CYP46A1: variants seen among roughly 807,000 people sequenced by gnomAD.
CYP46A1 encodes cholesterol 24-hydroxylase.
CYP46A1 carries 20 observed loss-of-function variants against 63.3 expected under a neutral mutation model. The observed-to-expected ratio is 0.32, with a 90% CI of 0.22 to 0.46. The LOEUF is 0.46. Ranked by LOEUF, CYP46A1 falls within the 20% of genes least tolerant of loss-of-function variation. CYP46A1 has a pLI of 1.00. For synonymous variants in CYP46A1, 268 were observed against 273.6 expected (o/e 0.98, Z 0.20); for missense variants, 445 against 670.8 (o/e 0.66, Z 3.72).
chr14:99,700,082 G>C lies in CYP46A1; in HGVS notation c.424G>C (p.Asp142His). 6.2e-7 allele frequency: 1 copy of C among 1,604,518 alleles called. No individual in the cohort carries two copies. The highest frequency in any genetic ancestry group is 8.5e-7 in the Non-Finnish European group (1 of 1,173,758). The change falls in exon 5 of 15, where the codon GAC (aspartate) becomes CAC (histidine). Residue 142 changes from aspartate (D) to histidine (H), a missense_variant. Transcript: ENST00000261835. The part of the protein sequence containing the change: ...ERWHKQRRVI[D>H]LAFSRSSLVS... The stretch of plus-strand genomic sequence containing the variant: ...CTGGCACAAGCAGCGGAGAGTCATA[G>C]ACCTGGCCTTCAGCCGGAGGTGAGT...
chr14:99,723,998 G>A (rs1335398574), intron 12 of CYP46A1, among the ~76,000 whole-genome samples: 18 of 152,128 alleles, frequency 1.2e-4, no homozygotes, highest in Admixed American at 1.0e-3. Flanking sequence ...GGTGTTGGAG[G>A]TTGGTTTCTT....
intron 3 of CYP46A1, among the ~76,000 whole-genome samples, chr14:99,698,262 T>G (rs993600504): frequency 1.3e-5 from 2 of 151,944 alleles, no homozygotes; most frequent in Non-Finnish European, 2.9e-5. Context: ...TTCCCCCTCA[T>G]GTACCTCTGC....
In CYP46A1 at chr14:99,722,644, C is replaced by CGTGTGTGTGTGTGTGTGTGTGT. The variant is rs10600179; in HGVS notation, c.1176+592_1176+613dup. ...ATCTGAATTGTGTGTTTGCCATTCCCGTGTGTGTGTGTGTGTGTGTGTGTG... is the reference window on the plus strand; with the variant it reads ...ATCTGAATTGTGTGTTTGCCATTCCCGTGTGTGTGTGTGTGTGTGTGTGTGTGTGTGTGTGTGTGTGTGTGTG... On this transcript the variant is annotated intron_variant, in intron 12 of 14. Coordinates refer to ENST00000261835, the MANE Select transcript of CYP46A1 (RefSeq NM_006668.2). The surrounding 1 kb of genome is among the most constrained non-coding windows in gnomAD (Gnocchi z 4.6). 5.3e-4 allele frequency among the ~76,000 whole-genome samples: 75 copies of CGTGTGTGTGTGTGTGTGTGTGT among 142,252 alleles called. 1 individual carries two copies. The highest frequency in any genetic ancestry group is 1.7e-3 in the East Asian group (8 of 4,812). The allele number at this position is 142,252 out of a possible 152,430, so 93.3% of individuals were successfully genotyped here.
chr14:99,715,819 G>C lies in CYP46A1; in HGVS notation c.703G>C (p.Gly235Arg). The C allele has an allele frequency of 1.2e-6, 2 of 1,614,216 alleles. No individual in the cohort carries two copies. Among genetic ancestry groups the C allele is most frequent in the Non-Finnish European group, 1.7e-6 (2 of 1,180,042 alleles). ...SRNTLAKFLP[G>R]KRKQLREVRE... ...TGAAACTCTTGTTTAGTTCCTGCCA[G>C]GGAAGAGGAAGCAGCTCCGGGAGGT... The change falls in exon 8 of 15, where the codon GGG becomes CGG. Residue 235 changes from glycine (G) to arginine (R), a missense_variant. Gly to Arg is a moderately radical substitution (Grantham distance 125). Around this residue, in one of 4 missense-constraint regions of CYP46A1, gnomAD observed 252 missense variants for 383.3 expected, o/e 0.66. Transcript: ENST00000261835.
At position 99,722,093 on chromosome 14, in the gene CYP46A1, G is replaced by C. The variant is rs1157222853; in HGVS notation, c.1176+27G>C. ...TGGGTGGAGGCCCTGGGGGTCCTGG[G>C]GTGGGCTGGGCTGCTTGCCCCAATG... On this transcript the variant is annotated intron_variant, in intron 12 of 14. Transcript: ENST00000261835. This position sits in a 1 kb window ranked among gnomAD's most constrained non-coding sequence, Gnocchi z 4.6. The C allele has an allele frequency of 6.3e-7, 1 of 1,576,042 alleles. No individual in the cohort carries two copies. Among genetic ancestry groups the C allele is most frequent in the Non-Finnish European group, 8.7e-7 (1 of 1,151,312 alleles).
rs2056470332 is a variant in CYP46A1 at position 99,684,358 on chromosome 14, GC to G, written c.-58del. Reference sequence around the variant, plus strand: ...GCGCTGACAGCTGAGTCGGCTCGCGGCCTCCCGGCCCCCTCGGCGCCCGGCC... The same window carrying G: ...GCGCTGACAGCTGAGTCGGCTCGCGGCTCCCGGCCCCCTCGGCGCCCGGCC... On this transcript the variant is annotated 5_prime_UTR_variant, in exon 1 of 15. Coordinates refer to ENST00000261835, the MANE Select transcript of CYP46A1 (RefSeq NM_006668.2). 9.2e-7 allele frequency: 1 copy of G among 1,083,344 alleles called. No individual in the cohort carries two copies. Among genetic ancestry groups the G allele is most frequent in the Non-Finnish European group, 1.2e-6 (1 of 853,760 alleles). 67.1% of individuals were successfully genotyped at this position (1,083,344 alleles called of 1,614,324 possible).
chr14:99,710,758 C>A (rs929629475), intron 7 of CYP46A1: 3 of 152,118 alleles, frequency 2.0e-5, no homozygotes, highest in African/African-American at 7.2e-5. Context: ...CTGGACAGAT[C>A]ATCTAGACAG....
At chr14:99,717,308 G>GA (rs918881963) in intron 9 of CYP46A1, among the ~76,000 whole-genome samples, 2 of 152,114 alleles carry the variant, frequency 1.3e-5, no homozygotes, top group African/African-American at 4.8e-5. Flanking sequence ...TGCTATGGGG[G>GA]ACTGGCCGAG....
Position 99,722,141 on chromosome 14 carries a change from G to C in CYP46A1, c.1176+75G>C. 1 of 1,138,768 alleles carries C rather than the reference G, an allele frequency of 8.8e-7. No homozygotes were observed. Among genetic ancestry groups the C allele is most frequent in the Non-Finnish European group, 1.3e-6 (1 of 776,474 alleles). 70.5% of individuals were successfully genotyped at this position (1,138,768 alleles called of 1,614,324 possible). On this transcript the variant is annotated intron_variant, in intron 12 of 14. Transcript: ENST00000261835. The surrounding 1 kb of genome is among the most constrained non-coding windows in gnomAD (Gnocchi z 4.6). The stretch of plus-strand genomic sequence containing the variant: ...ATGGTGGTGAATTTGGGACTCACCA[G>C]GGGAGCCTGTGGCCCTGTTCCCATC...
intron 9 of CYP46A1, 104 bp downstream of exon 9, chr14:99,716,303 C>CTCTGCTCAGAT: frequency 1.7e-6 from 2 of 1,205,558 alleles, no homozygotes; most frequent in Non-Finnish European, 2.4e-6. Flanking sequence ...GCTATCTGAG[C>CTCTGCTCAGAT]AGAGCTCACC....
chr14:99,719,976 A>G (rs1179377882), intron 10 of CYP46A1, among the ~76,000 whole-genome samples: 2 of 151,532 alleles, frequency 1.3e-5, no homozygotes, highest in Non-Finnish European at 2.9e-5. Flanking sequence ...GTTAGCCAGG[A>G]TGGTCTTGAT....
At chr14:99,694,054 G>A (rs1458127944) in intron 3 of CYP46A1, among the ~76,000 whole-genome samples, 1 of 151,684 alleles carries the variant, frequency 6.6e-6, no homozygotes, top group African/African-American at 2.4e-5. Context: ...TACTTTATGT[G>A]CGTCATACAT....
At chr14:99,699,756 T>C (rs2056614728) in intron 4 of CYP46A1, among the ~76,000 whole-genome samples, 1 of 152,200 alleles carries the variant, frequency 6.6e-6, no homozygotes, top group South Asian at 2.1e-4. Flanking sequence ...TAGAGGCCAC[T>C]GAGGTTGGGT....
Position 99,691,072 on chromosome 14 carries a change from T to A in CYP46A1, c.120-9T>A. ...TGCTGGTAAGCCTAATGTTTCCTGT[T>A]TCTTCTAGTTTCCTTCTAGGACACC... On this transcript the variant is annotated splice_polypyrimidine_tract_variant and intron_variant, in intron 1 of 14. Coordinates refer to ENST00000261835, the MANE Select transcript of CYP46A1 (RefSeq NM_006668.2). 1 of 1,613,986 alleles carries A rather than the reference T, an allele frequency of 6.2e-7. No individual in the cohort carries two copies. The highest frequency in any genetic ancestry group is 8.5e-7 in the Non-Finnish European group (1 of 1,179,850).
chr14:99,688,571 G>T (rs966736149), intron 1 of CYP46A1, among the ~76,000 whole-genome samples: 14 of 152,090 alleles, frequency 9.2e-5, no homozygotes, highest in Non-Finnish European at 1.8e-4. Context: ...TGTCCTAGGA[G>T]CACCCCCACC....
chr14:99,684,701 A>G (rs1179041913), intron 1 of CYP46A1, 165 bp downstream of exon 1: 17 of 673,030 alleles, frequency 2.5e-5, no homozygotes, highest in Non-Finnish European at 3.8e-5. Context: ...GTAACAAATT[A>G]CTCACAGCCG....
chr14:99,705,227 A>C (rs1037480288), intron 5 of CYP46A1, among the ~76,000 whole-genome samples: 1 of 152,138 alleles, frequency 6.6e-6, no homozygotes, highest in Non-Finnish European at 1.5e-5. Context: ...TCTTTTTTAG[A>C]GACAGGGTCT....
At chr14:99,715,682 A>G in intron 7 of CYP46A1, 128 bp from the exon 8 acceptor site, 1 of 1,249,786 alleles carries the variant, frequency 8.0e-7, no homozygotes, top group Non-Finnish European at 1.1e-6. Context: ...CATCTTTTCT[A>G]GAATTTCTCA....
chr14:99,715,711 G>C (rs1218632523), intron 7 of CYP46A1, 99 bp from the exon 8 acceptor site: 13 of 1,517,952 alleles, frequency 8.6e-6, no homozygotes, highest in Non-Finnish European at 9.9e-6. Context: ...TGACCTCCCA[G>C]CTTGCCAGTG....
Sources: allele counts gnomAD v4.1 joint callset (sites outside exome capture counted in the v4.1 genomes callset), GRCh38; gene constraint gnomAD v4.1.1; regional missense constraint gnomAD v4.1.1; non-coding constraint Gnocchi (gnomAD v3.1); transcripts MANE v1.5; gene names NCBI Gene and HGNC (gene_info 2026-07-23, HGNC 2026-07-21).